DNAH3: variants seen among roughly 807,000 people sequenced by gnomAD.
DNAH3 encodes the protein dynein axonemal heavy chain 3.
Under a neutral mutation model 432.5 loss-of-function variants are expected in DNAH3, and 332 were observed. That is an observed-to-expected ratio of 0.77 (90% CI 0.70 to 0.84). The LOEUF (loss-of-function observed/expected upper bound fraction) is 0.84, where lower values mean the gene tolerates loss of function less well. Among genes scored for constraint, DNAH3 ranks in the 40% least tolerant of loss-of-function variants. The pLI is 0.00. For synonymous variants in DNAH3, 1,956 were observed against 1,900.2 expected (o/e 1.03, Z -0.76); for missense variants, 4,861 against 5,114.0 (o/e 0.95, Z 1.51).
exon 21 of DNAH3, chr16:21,075,456 G>A: frequency 6.2e-7 from 1 of 1,612,648 alleles, no homozygotes; most frequent in Non-Finnish European, 8.5e-7. Flanking sequence ...CAGTGTCCCT[G>A]TATTTCACGA....
chr16:20,943,645 A>G (rs1220030877), intron 58 of DNAH3, among the ~76,000 whole-genome samples: 3 of 152,208 alleles, frequency 2.0e-5, no homozygotes, highest in African/African-American at 7.2e-5. Flanking sequence ...GCAAAGCCTC[A>G]GCTCAGGGGC....
At chr16:21,025,721 T>TTTGTTG (rs553060469) in intron 38 of DNAH3, among the ~76,000 whole-genome samples, 1 of 151,640 alleles carries the variant, frequency 6.6e-6, no homozygotes, top group Non-Finnish European at 1.5e-5. Context: ...AATTCACTCT[T>TTTGTTG]TTGTTGTTGT....
At position 21,000,357 on chromosome 16, in the gene DNAH3, G is replaced by T. The variant is rs754658020; in HGVS notation, c.6288C>A (p.Tyr2096Ter). The T allele has an allele frequency of 8.7e-6, 14 of 1,614,182 alleles. No homozygotes were observed. In the South Asian group the frequency reaches 1.5e-4, roughly 18 times the overall value. ...CAGAGAAATTGATGCAGTTGGGTAG[G>T]TACGTATTTTTGGGAAGGTGGAGAA... The change falls in exon 43 of 62, where the codon TAC becomes TAA. Residue 2096 changes from tyrosine to a stop codon, truncating the protein, a stop_gained. Transcript: ENST00000261383. LOFTEE classifies it high-confidence loss of function.
chr16:21,056,469 G>A (rs1320601104), intron 27 of DNAH3, among the ~76,000 whole-genome samples: 1 of 133,312 alleles, frequency 7.5e-6, no homozygotes, highest in African/African-American at 2.8e-5. Flanking sequence ...CTTACTGGAT[G>A]TCTGTTCTTT....
chr16:21,060,061 C>G (rs897993627), intron 26 of DNAH3, among the ~76,000 whole-genome samples: 1 of 152,162 alleles, frequency 6.6e-6, no homozygotes, highest in Non-Finnish European at 1.5e-5. Flanking sequence ...TCTTCTCTTG[C>G]ATCACCTGCT....
intron 41 of DNAH3, among the ~76,000 whole-genome samples, chr16:21,004,185 T>C (rs1443122692): frequency 6.6e-6 from 1 of 152,154 alleles, no homozygotes; most frequent in African/African-American, 2.4e-5. Flanking sequence ...TTTTGTTGTA[T>C]TTTAACTTTC....
intron 8 of DNAH3, among the ~76,000 whole-genome samples, chr16:21,127,459 G>A (rs909966873): frequency 4.0e-5 from 6 of 151,766 alleles, no homozygotes; most frequent in Non-Finnish European, 5.9e-5. Flanking sequence ...TACTGGGGGC[G>A]CTGAGGCAGG....
intron 23 of DNAH3, among the ~76,000 whole-genome samples, chr16:21,067,757 T>TGGGGGGGGGGG (rs35833656): frequency 3.4e-5 from 1 of 29,804 alleles, no homozygotes; most frequent in African/African-American, 1.7e-4. Flanking sequence ...AAGCCAGTCT[T>TGGGGGGGGGGG]GGGGGGGGGG....
intron 11 of DNAH3, among the ~76,000 whole-genome samples, chr16:21,118,784 A>G (rs2092267277): frequency 6.6e-6 from 1 of 152,106 alleles, no homozygotes; most frequent in African/African-American, 2.4e-5. Flanking sequence ...CTCCACGTCT[A>G]GTCACTCTAA....
chr16:20,959,689 T>C (rs1421158261), intron 53 of DNAH3, among the ~76,000 whole-genome samples: 1 of 151,258 alleles, frequency 6.6e-6, no homozygotes, highest in Admixed American at 6.6e-5. Flanking sequence ...ACATTAAATT[T>C]TGGACTCAGA....
chr16:20,992,637 G>A (rs1385698617), intron 44 of DNAH3, among the ~76,000 whole-genome samples: 1 of 152,144 alleles, frequency 6.6e-6, no homozygotes, highest in Non-Finnish European at 1.5e-5. Context: ...ACCGCTCCTG[G>A]CCTATTTCAT....
At position 21,051,576 on chromosome 16, in the gene DNAH3, A is replaced by C. The variant is rs1328737929; in HGVS notation, c.4238+94T>G. 16 of 1,277,802 alleles carry C rather than the reference A, an allele frequency of 1.3e-5. 1 individual carries two copies. The South Asian group carries it at 2.1e-4, about 17-fold the overall frequency. The allele number at this position is 1,277,802 out of a possible 1,614,324, so 79.2% of individuals were successfully genotyped here. On this transcript the variant is annotated intron_variant, in intron 29 of 61. Coordinates refer to ENST00000261383, the Ensembl canonical transcript of DNAH3. ...TAATAATCTGAAGTGTGAAGGGTAA[A>C]GGTAACCCAAGACATCCCTAACTTT...
intron 46 of DNAH3, 51 bp downstream of exon 46, chr16:20,987,642 G>A (rs779377999): frequency 6.2e-7 from 1 of 1,601,430 alleles, no homozygotes; most frequent in East Asian, 2.2e-5. Context: ...CATGTTCTAT[G>A]TAGCCAAGGA....
At chr16:21,081,407 A>G (rs912301599) in intron 20 of DNAH3, among the ~76,000 whole-genome samples, 1 of 151,994 alleles carries the variant, frequency 6.6e-6, no homozygotes, top group Non-Finnish European at 1.5e-5. Flanking sequence ...CCTTTGAAAT[A>G]AAATCCATGA....
chr16:20,990,274 C>G (rs928822135), intron 44 of DNAH3, among the ~76,000 whole-genome samples: 1 of 152,236 alleles, frequency 6.6e-6, no homozygotes, highest in African/African-American at 2.4e-5. Flanking sequence ...TATCATCTAT[C>G]TGTCTAATCT....
intron 55 of DNAH3, among the ~76,000 whole-genome samples, chr16:20,954,276 T>C (rs2152592815): frequency 6.7e-6 from 1 of 149,878 alleles, no homozygotes; most frequent in East Asian, 2.0e-4. Context: ...GCTTATGTAT[T>C]AATCTACCTA....
At chr16:21,015,903 C>T (rs2087834581) in intron 41 of DNAH3, among the ~76,000 whole-genome samples, 1 of 152,130 alleles carries the variant, frequency 6.6e-6, no homozygotes, top group African/African-American at 2.4e-5. Context: ...ATTCTCCTGC[C>T]TCAGCCTCCT....
At chr16:21,124,358 C>T (rs1041794607) in intron 9 of DNAH3, among the ~76,000 whole-genome samples, 1 of 152,124 alleles carries the variant, frequency 6.6e-6, no homozygotes, top group Non-Finnish European at 1.5e-5. Flanking sequence ...TCATTTTATG[C>T]AATTTTTCTT....
Position 21,034,189 on chromosome 16 carries a change from C to T in DNAH3, c.5086-104G>A, listed in dbSNP as rs1416472110. On this transcript the variant is annotated intron_variant, in intron 35 of 61. Coordinates refer to ENST00000261383, the Ensembl canonical transcript of DNAH3. ...GAATGAGGGGTCAGAAGAGGATTCT[C>T]ACAGTTGCTTCTACCTCTGGAGAAC... 11 of 711,246 alleles carry T rather than the reference C, an allele frequency of 1.5e-5. No homozygotes were observed. The East Asian group carries it at 2.7e-4, about 17-fold the overall frequency. 44.1% of individuals were successfully genotyped at this position (711,246 alleles called of 1,614,324 possible).
Sources: gnomAD v4.1 joint callset for allele counts (sites outside exome capture counted in the v4.1 genomes callset) on GRCh38, gnomAD v4.1.1 for gene constraint, MANE v1.5 for transcripts, NCBI Gene and HGNC (gene_info 2026-07-23, HGNC 2026-07-21) for gene names.